SETX: variants seen among roughly 807,000 people sequenced by gnomAD.
SETX encodes the protein senataxin, also known as helicase senataxin.
Under a neutral mutation model 227.2 loss-of-function variants are expected in SETX, and 90 were observed. That is an observed-to-expected ratio of 0.40 (90% confidence interval 0.33 to 0.47). SETX has a LOEUF of 0.47. Among genes scored for constraint, SETX ranks in the 20% least tolerant of loss-of-function variants. The pLI is 0.91. For missense variants in SETX, 3,052 were observed against 3,181.5 expected (o/e 0.96, Z 0.98); for synonymous variants, 1,210 against 1,113.2 (o/e 1.09, Z -1.73).
At chr9:132,297,593 G>C (rs559898628) in intron 13 of SETX, among the ~76,000 whole-genome samples, 1 of 152,332 alleles carries the variant, frequency 6.6e-6, no homozygotes, top group South Asian at 2.1e-4. Context: ...TCCTTAAGAG[G>C]TGAGAACAGA....
At chr9:132,355,637 A>G (rs1022769938), upstream of SETX, among the ~76,000 whole-genome samples, 4 of 151,986 alleles carry the variant, frequency 2.6e-5, no homozygotes, top group Non-Finnish European at 4.4e-5. Flanking sequence ...CCCGGAGTTC[A>G]GAGACCAGCC....
Position 132,342,764 on chromosome 9 carries a change from G to A in SETX, c.424C>T (p.Gln142Ter). 6.2e-7 allele frequency: 1 copy of A among 1,613,932 alleles called. No homozygotes were observed. The highest frequency in any genetic ancestry group is 8.5e-7 in the Non-Finnish European group (1 of 1,179,974). Residue 142 changes from glutamine (Q) to a stop codon, truncating the protein, a stop_gained, in exon 5 of 26, where the codon CAA becomes TAA. Transcript: ENST00000224140. LOFTEE classifies it high-confidence loss of function. ...LCVEALCRME[Q>*]ANCSFQVFDK... ...AACACCTGAAAGGAGCAATTGGCTT[G>A]TTCCATCCGACAAAGTGCTTCAACA...
intron 10 of SETX, among the ~76,000 whole-genome samples, chr9:132,312,235 T>C (rs3829760): frequency 0.24 from 36,931 of 151,996 alleles, 5,668 homozygotes; most frequent in East Asian, 0.68. Flanking sequence ...CCAGATCAGC[T>C]AGCTCACAAG....
chr9:132,311,099 A>T (rs1589700500), intron 11 of SETX, among the ~76,000 whole-genome samples: 1 of 151,956 alleles, frequency 6.6e-6, no homozygotes, highest in East Asian at 1.9e-4. Flanking sequence ...CCCAAGTAGC[A>T]GGGACTACAG....
chr9:132,354,050 T>C (rs1848747663), intron 1 of SETX, among the ~76,000 whole-genome samples: 1 of 152,194 alleles, frequency 6.6e-6, no homozygotes. Flanking sequence ...GTGTCACTTA[T>C]CAAATACCAC....
chr9:132,332,918 GA>G (rs1311545099), intron 7 of SETX, among the ~76,000 whole-genome samples: 1,682 of 100,608 alleles, frequency 0.017, 27 homozygotes, highest in African/African-American at 0.047. Context: ...TGTCTCAAAA[GA>G]AAAAAAAAAA....
intron 11 of SETX, among the ~76,000 whole-genome samples, chr9:132,310,054 T>C (rs1020705803): frequency 4.6e-5 from 7 of 152,140 alleles, no homozygotes; most frequent in African/African-American, 1.7e-4. Context: ...ACCCAGATTA[T>C]ATAAAGAACT....
Position 132,283,291 on chromosome 9 carries a change from G to T in SETX, c.6519C>A (p.Val2173=). 6.2e-7 allele frequency: 1 copy of T among 1,614,144 alleles called. No individual in the cohort carries two copies. The highest frequency in any genetic ancestry group is 8.5e-7 in the Non-Finnish European group (1 of 1,179,998). ...CATCAACAATGACACAGCTGAAGGGGACACCCCCTTGCCCACGGAAAGCAG... is the reference window on the plus strand; with the variant it reads ...CATCAACAATGACACAGCTGAAGGGTACACCCCCTTGCCCACGGAAAGCAG... ...LESAFRGQGG[V]PFSCVIVDEA... The change falls in exon 19 of 26, where the codon GTC becomes GTA. Residue 2173 remains valine, a synonymous_variant. Transcript: ENST00000224140.
rs772881149 is a variant in SETX, at chr9:132,264,336, C to T, written c.7937G>A (p.Cys2646Tyr). The change falls in exon 26 of 26, where the codon TGT becomes TAT. Residue 2646 changes from cysteine to tyrosine, a missense_variant. Cys to Tyr is a radical substitution (Grantham distance 194). This residue lies in a region of SETX where 294 missense variants were observed against 278.8 expected (regional missense o/e 1.05). Coordinates refer to ENST00000224140, the MANE Select transcript of SETX (RefSeq NM_015046.7). ...CCTGGTGTGATGGGTCTCGGAACCACACTTCTCCTGCTCCCCTTCACTGAA... is the reference window on the plus strand; with the variant it reads ...CCTGGTGTGATGGGTCTCGGAACCATACTTCTCCTGCTCCCCTTCACTGAA... ...RAFSEGEQEK[C>Y]GSETHHTRRN... 2.5e-6 allele frequency: 4 copies of T among 1,614,200 alleles called. 1 individual carries two copies. The South Asian group carries it at 4.4e-5, about 18-fold the overall frequency.
intron 25 of SETX, chr9:132,265,983 A>G (rs1434113460): frequency 1.3e-5 from 2 of 152,068 alleles, no homozygotes; most frequent in Non-Finnish European, 2.9e-5. Context: ...GGAGCTTAAG[A>G]TATTAAATCC....
chr9:132,287,795 T>A (rs1844008136), intron 17 of SETX, among the ~76,000 whole-genome samples: 1 of 149,830 alleles, frequency 6.7e-6, no homozygotes, highest in South Asian at 2.1e-4. Context: ...AAGAAATGTG[T>A]TAATCTGAGA....
At chr9:132,335,349 C>T (rs554094687) in intron 6 of SETX, among the ~76,000 whole-genome samples, 3 of 135,394 alleles carry the variant, frequency 2.2e-5, no homozygotes, top group African/African-American at 8.7e-5. Flanking sequence ...CGAGATCGCG[C>T]GACTGCACTC....
At position 132,327,189 on chromosome 9, in the gene SETX, G is replaced by T. The variant is rs189427064; in HGVS notation, c.4409C>A (p.Pro1470Gln). ...TSEDPLGGGDPTARHIEMAAL... is the reference protein window; with the variant it reads ...TSEDPLGGGDQTARHIEMAAL... ...TGCCATCTCTATATGACGTGCTGTT[G>T]GATCACCTCCACCCAGAGGGTCTTC... The change falls in exon 10 of 26, where the codon CCA becomes CAA. Residue 1470 changes from proline (P) to glutamine (Q), a missense_variant. By Grantham distance (76) the Pro-to-Gln change is moderately conservative. Coordinates refer to ENST00000224140, the MANE Select transcript of SETX (RefSeq NM_015046.7). 1 of 1,614,096 alleles carries T rather than the reference G, an allele frequency of 6.2e-7. No individual in the cohort carries two copies. Among genetic ancestry groups the T allele is most frequent in the East Asian group, 2.2e-5 (1 of 44,882 alleles).
Position 132,334,685 on chromosome 9 carries a change from T to C in SETX, c.761A>G (p.Asp254Gly), listed in dbSNP as rs1364171363. The C allele has an allele frequency of 1.9e-6, 3 of 1,613,998 alleles. No individual in the cohort carries two copies. The African/African-American group carries it at 4.0e-5, about 22-fold the overall frequency. ...TTTGTCTGAGCCCAACAACAGGGAATCCATGGCTTGTTCCTCAAGAATGGT... is the reference window on the plus strand; with the variant it reads ...TTTGTCTGAGCCCAACAACAGGGAACCCATGGCTTGTTCCTCAAGAATGGT... Reference protein sequence around the residue: ...LLTILEEQAMDSLLLGSDKQN... With the variant: ...LLTILEEQAMGSLLLGSDKQN... Residue 254 changes from aspartate to glycine, a missense_variant, in exon 7 of 26, where the codon GAT becomes GGT. Coordinates refer to ENST00000224140, the MANE Select transcript of SETX (RefSeq NM_015046.7).
chr9:132,309,775 G>A (rs535673746), intron 11 of SETX, among the ~76,000 whole-genome samples: 1 of 152,216 alleles, frequency 6.6e-6, no homozygotes, highest in Admixed American at 6.5e-5. Context: ...GCTGTAGTTT[G>A]CTAACCTTTG....
chr9:132,349,513 C>CTT, intron 2 of SETX, 78 bp from the exon 3 acceptor site: 1 of 1,427,360 alleles, frequency 7.0e-7, no homozygotes, highest in South Asian at 1.2e-5. Context: ...ACACTTTCAA[C>CTT]TTGTGACCCT....
At chr9:132,285,921 G>A (rs1004477359) in intron 18 of SETX, among the ~76,000 whole-genome samples, 4 of 147,070 alleles carry the variant, frequency 2.7e-5, no homozygotes, top group South Asian at 2.1e-4. Flanking sequence ...GGTGCCTCAC[G>A]CCTGTAATCC....
At chr9:132,283,710 G>A (rs1843669984) in intron 18 of SETX, among the ~76,000 whole-genome samples, 1 of 152,214 alleles carries the variant, frequency 6.6e-6, no homozygotes, top group Non-Finnish European at 1.5e-5. Context: ...CCTGTAGTCA[G>A]ATATATGTAG....
At chr9:132,326,236 T>A in intron 10 of SETX, 88 bp downstream of exon 10, 6 of 1,084,164 alleles carry the variant, frequency 5.5e-6, no homozygotes, top group Non-Finnish European at 8.2e-6. Flanking sequence ...CTGGCTGATT[T>A]TTTGAACTAT....
Sources: allele counts gnomAD v4.1 joint callset (sites outside exome capture counted in the v4.1 genomes callset), GRCh38; gene constraint gnomAD v4.1.1; regional missense constraint gnomAD v4.1.1; transcripts MANE v1.5; gene names NCBI Gene and HGNC (gene_info 2026-07-23, HGNC 2026-07-21).